Variants in NCAM2 observed in about 807,000 individuals in gnomAD.
NCAM2 encodes N-CAM-2.
NCAM2 carries 30 observed loss-of-function variants against 98.1 expected under a neutral mutation model. The ratio of observed to expected loss-of-function variants is 0.31; its 90% CI spans 0.23 to 0.41. NCAM2 has a LOEUF of 0.41. Ranked by LOEUF, NCAM2 falls within the 10% of genes least tolerant of loss-of-function variation. The pLI is 1.00. For synonymous variants in NCAM2, 368 were observed against 342.4 expected (o/e 1.07, Z -0.83); for missense variants, 867 against 1,005.8 (o/e 0.86, Z 1.87).
intron 3 of NCAM2, 88 bp downstream of exon 3, chr21:21,284,488 A>T: frequency 1.1e-6 from 1 of 952,114 alleles, no homozygotes; most frequent in Non-Finnish European, 1.6e-6. Flanking sequence ...AACACTTATT[A>T]AGAACTATGT....
intron 1 of NCAM2, among the ~76,000 whole-genome samples, chr21:21,150,836 T>A (rs1229074657): frequency 3.3e-5 from 5 of 151,954 alleles, no homozygotes; most frequent in African/African-American, 1.2e-4. Flanking sequence ...AAGTGTTCTC[T>A]GTTGATTTTA....
At chr21:21,514,715 T>C (rs1482154380) in intron 16 of NCAM2, among the ~76,000 whole-genome samples, 1 of 152,158 alleles carries the variant, frequency 6.6e-6, no homozygotes, top group Non-Finnish European at 1.5e-5. Flanking sequence ...AAATTATGTT[T>C]AGAAAATAGC....
chr21:21,341,625 C>T (rs2075039609), intron 8 of NCAM2, among the ~76,000 whole-genome samples: 1 of 151,330 alleles, frequency 6.6e-6, no homozygotes, highest in Non-Finnish European at 1.5e-5. Context: ...CTAATAATTT[C>T]ATCTAACAAC....
At chr21:21,242,991 C>G (rs1278981477) in intron 1 of NCAM2, among the ~76,000 whole-genome samples, 1 of 150,566 alleles carries the variant, frequency 6.6e-6, no homozygotes, top group Non-Finnish European at 1.5e-5. Flanking sequence ...TTTGGACTCT[C>G]TTATTTCAAA....
intron 6 of NCAM2, among the ~76,000 whole-genome samples, chr21:21,335,090 A>G (rs1455823210): frequency 1.3e-5 from 2 of 152,072 alleles, no homozygotes; most frequent in African/African-American, 2.4e-5. Flanking sequence ...TTTTCTACAT[A>G]AATTATTTTA....
At chr21:21,260,969 A>G (rs2071874484) in intron 1 of NCAM2, among the ~76,000 whole-genome samples, 1 of 152,180 alleles carries the variant, frequency 6.6e-6, no homozygotes, top group Non-Finnish European at 1.5e-5. Context: ...GACCTGTCTC[A>G]TGTGTATTGA....
At chr21:21,179,824 TC>T (rs1049649404) in intron 1 of NCAM2, among the ~76,000 whole-genome samples, 5 of 152,210 alleles carry the variant, frequency 3.3e-5, no homozygotes, top group Non-Finnish European at 7.3e-5. Context: ...GCACAGTGTA[TC>T]CACAGAGGGC....
chr21:21,402,225 A>G (rs2076646165), intron 9 of NCAM2, among the ~76,000 whole-genome samples: 1 of 152,206 alleles, frequency 6.6e-6, no homozygotes, highest in Non-Finnish European at 1.5e-5. Flanking sequence ...ATAAACGGAC[A>G]TGCAAGTAGG....
At chr21:21,508,233 T>C (rs1268340451) in intron 15 of NCAM2, among the ~76,000 whole-genome samples, 1 of 152,178 alleles carries the variant, frequency 6.6e-6, no homozygotes, top group East Asian at 1.9e-4. Context: ...TTTAATCTAA[T>C]ATATTTGTTA....
rs376204410 is a variant in NCAM2 at position 21,456,895 on chromosome 21, G to A, written c.1655-9711G>A. On this transcript the variant is annotated intron_variant, in intron 12 of 17. Coordinates refer to ENST00000400546, the MANE Select transcript of NCAM2 (RefSeq NM_004540.5). Reference sequence around the variant, plus strand: ...AACAACCAGGCCCTCATCAGCTGTCGAATCTGCTTTCACCTAAACTTGGAC... The same window carrying A: ...AACAACCAGGCCCTCATCAGCTGTCAAATCTGCTTTCACCTAAACTTGGAC... Among the ~76,000 whole-genome samples, 20 of 152,228 alleles carry A rather than the reference G, an allele frequency of 1.3e-4. No homozygotes were observed. The South Asian group carries it at 3.9e-3, about 30-fold the overall frequency.
intron 1 of NCAM2, among the ~76,000 whole-genome samples, chr21:21,211,868 G>A (rs146026305): frequency 9.2e-5 from 14 of 152,256 alleles, no homozygotes; most frequent in African/African-American, 3.1e-4. Context: ...ATAGGAACTT[G>A]TCAAGTCCTG....
At chr21:21,070,286 T>TATAA (rs200920528) in intron 1 of NCAM2, among the ~76,000 whole-genome samples, 1 of 148,084 alleles carries the variant, frequency 6.8e-6, no homozygotes, top group Non-Finnish European at 1.5e-5. Context: ...TATATATATA[T>TATAA]AATCTAATAT....
Position 21,331,597 on chromosome 21 carries a change from A to T in NCAM2, c.738-3908A>T, listed in dbSNP as rs145703490. Among the ~76,000 whole-genome samples, 196 of 27,936 alleles carry T rather than the reference A, an allele frequency of 7.0e-3. 14 individuals carry two copies. Among genetic ancestry groups the T allele is most frequent in the East Asian group, 0.03 (33 of 1,088 alleles). 18.3% of individuals were successfully genotyped at this position (27,936 alleles called of 152,430 possible). A position where few individuals can be genotyped will look rare whatever the true frequency, so the allele number is the denominator to read the frequency against. On this transcript the variant is annotated intron_variant, in intron 6 of 17. Transcript: ENST00000400546. ...TATATATAGAGAGAGAGAGAGAGAG[A>T]GAGAGTGAGAGAGAGAATCTCACTC...
rs138162110 is a variant in NCAM2, at chr21:21,011,364, C to T, written c.55+12746C>T. Among the ~76,000 whole-genome samples, 709 of 152,042 alleles carry T rather than the reference C, an allele frequency of 4.7e-3. 10 individuals carry two copies. The highest frequency in any genetic ancestry group is 0.017 in the African/African-American group (696 of 41,486). On this transcript the variant is annotated intron_variant, in intron 1 of 17. Coordinates refer to ENST00000400546, the MANE Select transcript of NCAM2 (RefSeq NM_004540.5). ...ATGGAAACATAGTCCCTTGAAGAAACGAGGAGTTGCAGAAGGAAAAAGACA... is the reference window on the plus strand; with the variant it reads ...ATGGAAACATAGTCCCTTGAAGAAATGAGGAGTTGCAGAAGGAAAAAGACA...
At chr21:21,362,288 T>C (rs1167598536) in intron 8 of NCAM2, among the ~76,000 whole-genome samples, 1 of 152,214 alleles carries the variant, frequency 6.6e-6, no homozygotes, top group South Asian at 2.1e-4. Context: ...TCAAAAGCCT[T>C]TAATAGTCTC....
chr21:21,081,095 C>T (rs1030604895), intron 1 of NCAM2, among the ~76,000 whole-genome samples: 10 of 152,136 alleles, frequency 6.6e-5, no homozygotes, highest in Non-Finnish European at 8.8e-5. Flanking sequence ...GGGCTGTCCA[C>T]GTGCACAGTG....
intron 1 of NCAM2, among the ~76,000 whole-genome samples, chr21:21,255,610 A>G (rs780320369): frequency 2.0e-5 from 3 of 152,348 alleles, no homozygotes; most frequent in Non-Finnish European, 4.4e-5. Flanking sequence ...CCAATTCCTA[A>G]TATATAATCG....
At chr21:21,331,613 A>AGAGAGAGAGAG (rs2074710727) in intron 6 of NCAM2, among the ~76,000 whole-genome samples, 1 of 59,962 alleles carries the variant, frequency 1.7e-5, no homozygotes, top group Non-Finnish European at 3.3e-5. Context: ...TGAGAGAGAG[A>AGAGAGAGAGAG]ATCTCACTCC....
intron 1 of NCAM2, among the ~76,000 whole-genome samples, chr21:21,165,351 C>T (rs1413271686): frequency 3.9e-5 from 6 of 152,158 alleles, no homozygotes; most frequent in Non-Finnish European, 7.3e-5. Flanking sequence ...TTAGCACCCT[C>T]TAGACTGATT....
Sources: allele counts gnomAD v4.1 joint callset (sites outside exome capture counted in the v4.1 genomes callset), GRCh38; gene constraint gnomAD v4.1.1; transcripts MANE v1.5; gene names NCBI Gene and HGNC (gene_info 2026-07-23, HGNC 2026-07-21).